Variants in SEMA3A observed in about 807,000 individuals in gnomAD.
SEMA3A encodes semaphorin 3A.
A neutral mutation model predicts 97.9 loss-of-function variants in SEMA3A; 29 were observed. The observed-to-expected ratio is 0.30, with a 90% CI of 0.22 to 0.40. SEMA3A has a LOEUF of 0.40. Ranked by LOEUF, SEMA3A falls within the 10% of genes least tolerant of loss-of-function variation. SEMA3A has a pLI of 1.00. For missense variants in SEMA3A, 763 were observed against 951.3 expected (o/e 0.80, Z 2.60); for synonymous variants, 321 against 323.7 (o/e 0.99, Z 0.09).
At chr7:84,077,070 G>T (rs73189365) in intron 4 of SEMA3A, among the ~76,000 whole-genome samples, 1 of 152,228 alleles carries the variant, frequency 6.6e-6, no homozygotes, top group Non-Finnish European at 1.5e-5. Flanking sequence ...TAACTCCCAA[G>T]ATGTATAACA....
At chr7:84,133,989 G>A (rs1216425057) in intron 2 of SEMA3A, among the ~76,000 whole-genome samples, 1 of 151,888 alleles carries the variant, frequency 6.6e-6, no homozygotes, top group African/African-American at 2.4e-5. Flanking sequence ...GTGAACCTGG[G>A]AGGCAGAGTT....
chr7:84,328,963 C>T (rs1801841045), intron 2 of SEMA3A, among the ~76,000 whole-genome samples: 1 of 151,920 alleles, frequency 6.6e-6, no homozygotes, highest in Middle Eastern at 3.4e-3. Context: ...ACTTTTTATT[C>T]ATTTATTTAT....
chr7:84,431,097 C>G (rs1470633534), intron 1 of SEMA3A, among the ~76,000 whole-genome samples: 1 of 151,900 alleles, frequency 6.6e-6, no homozygotes, highest in African/African-American at 2.4e-5. Context: ...CCAAGAGTCA[C>G]TTGATATAAT....
intron 3 of SEMA3A, among the ~76,000 whole-genome samples, chr7:84,234,681 A>G (rs1462157385): frequency 6.6e-6 from 1 of 151,916 alleles, no homozygotes; most frequent in Non-Finnish European, 1.5e-5. Context: ...CTATTCTTAT[A>G]AGTTTTATCC....
At chr7:84,410,963 G>T (rs1804248965) in intron 1 of SEMA3A, among the ~76,000 whole-genome samples, 1 of 151,986 alleles carries the variant, frequency 6.6e-6, no homozygotes, top group African/African-American at 2.4e-5. Flanking sequence ...CGTTGTCGGG[G>T]GATTGTAACT....
At chr7:84,324,052 T>A (rs1801718387) in intron 2 of SEMA3A, among the ~76,000 whole-genome samples, 1 of 152,184 alleles carries the variant, frequency 6.6e-6, no homozygotes, top group African/African-American at 2.4e-5. Context: ...AAATGGTAAA[T>A]CAACACAATG....
chr7:84,227,044 A>G (rs1012197877), intron 3 of SEMA3A, among the ~76,000 whole-genome samples: 1 of 152,064 alleles, frequency 6.6e-6, no homozygotes, highest in Admixed American at 6.6e-5. Context: ...TGAATGATAA[A>G]TGAGTGGTTT....
intron 1 of SEMA3A, among the ~76,000 whole-genome samples, chr7:84,428,728 T>C (rs564922925): frequency 6.6e-6 from 1 of 152,070 alleles, no homozygotes; most frequent in Non-Finnish European, 1.5e-5. Flanking sequence ...CTGTATAATT[T>C]ATCAGTAAAA....
chr7:84,003,909 A>G (rs117960554), intron 11 of SEMA3A, among the ~76,000 whole-genome samples: 2,394 of 152,234 alleles, frequency 0.016, 20 homozygotes, highest in Middle Eastern at 0.027. Flanking sequence ...TGGTAGAGAA[A>G]CTTTCTCACT....
chr7:84,316,051 C>T (rs1056446265), intron 2 of SEMA3A, among the ~76,000 whole-genome samples: 3 of 140,016 alleles, frequency 2.1e-5, no homozygotes, highest in Admixed American at 1.6e-4. Context: ...CAGCTACTCA[C>T]GAAGTTGAGG....
intron 6 of SEMA3A, among the ~76,000 whole-genome samples, chr7:84,043,328 T>C (rs1792216921): frequency 6.6e-6 from 1 of 152,054 alleles, no homozygotes; most frequent in Non-Finnish European, 1.5e-5. Context: ...GTAGTGAAAC[T>C]CCATTTTAAA....
chr7:84,431,369 C>T (rs889878542), intron 1 of SEMA3A, among the ~76,000 whole-genome samples: 1 of 151,892 alleles, frequency 6.6e-6, no homozygotes, highest in Non-Finnish European at 1.5e-5. Flanking sequence ...TTTATGAGTG[C>T]TATTTGATGT....
At chr7:84,033,263 T>G (rs1791822631) in intron 6 of SEMA3A, among the ~76,000 whole-genome samples, 1 of 152,152 alleles carries the variant, frequency 6.6e-6, no homozygotes, top group Admixed American at 6.5e-5. Context: ...TCTTAATATG[T>G]AGTTATGGAA....
intron 2 of SEMA3A, among the ~76,000 whole-genome samples, chr7:84,350,701 A>G (rs1802416305): frequency 1.3e-5 from 2 of 152,326 alleles, no homozygotes; most frequent in African/African-American, 2.4e-5. Flanking sequence ...AGCAAGCATC[A>G]TTAATGCTGC....
At chr7:84,427,988 A>T (rs1256553963) in intron 1 of SEMA3A, among the ~76,000 whole-genome samples, 1 of 152,166 alleles carries the variant, frequency 6.6e-6, no homozygotes, top group Non-Finnish European at 1.5e-5. Context: ...TAAAGTAATG[A>T]ATATTGTATT....
At chr7:84,297,090 G>A (rs1800891459) in intron 3 of SEMA3A, among the ~76,000 whole-genome samples, 1 of 152,130 alleles carries the variant, frequency 6.6e-6, no homozygotes, top group Non-Finnish European at 1.5e-5. Context: ...TGATTCTCCT[G>A]CCTCAGCCTG....
chr7:84,212,342 T>C (rs1247781143), intron 3 of SEMA3A, among the ~76,000 whole-genome samples: 2 of 152,236 alleles, frequency 1.3e-5, no homozygotes, highest in African/African-American at 4.8e-5. Context: ...GTTTTTCATT[T>C]ATCATCACCA....
rs934139004 is a variant in SEMA3A, at chr7:83,958,939, T to C, written c.*2432A>G. On this transcript the variant is annotated 3_prime_UTR_variant, in exon 17 of 17. Coordinates refer to ENST00000265362, the MANE Select transcript of SEMA3A (RefSeq NM_006080.3). ...CAAAGTCTATTTAAAGCTGAATTAT[T>C]AAATGGGCCAATAATTCTTTTTCGT... The C allele has an allele frequency of 8.5e-5, 13 of 152,084 alleles. No individual in the cohort carries two copies. The highest frequency in any genetic ancestry group is 3.1e-4 in the African/African-American group (13 of 41,454). 9.4% of individuals were successfully genotyped at this position (152,084 alleles called of 1,614,324 possible).
chr7:84,232,854 G>A (rs577324501), intron 3 of SEMA3A, among the ~76,000 whole-genome samples: 1 of 151,980 alleles, frequency 6.6e-6, no homozygotes, highest in East Asian at 1.9e-4. Flanking sequence ...TCCCTTCTCA[G>A]CATCACCTCA....
Sources: gnomAD v4.1 joint callset for allele counts (sites outside exome capture counted in the v4.1 genomes callset) on GRCh38, gnomAD v4.1.1 for gene constraint, MANE v1.5 for transcripts, NCBI Gene and HGNC (gene_info 2026-07-23, HGNC 2026-07-21) for gene names.